Variants in NCR2 observed in about 807,000 individuals in gnomAD.
NCR2 encodes the protein natural cytotoxicity triggering receptor 2.
In NCR2, 35 loss-of-function variants were observed where a neutral mutation model predicts 30.7. The ratio of observed to expected loss-of-function variants is 1.14; its 90% CI spans 0.87 to 1.51. NCR2 has a LOEUF of 1.51. Ranked by LOEUF, NCR2 falls within the 40% of genes most tolerant of loss-of-function variation. The pLI is 0.00. For synonymous variants in NCR2, 146 were observed against 134.8 expected, an observed-to-expected ratio of 1.08 and a Z score of -0.58; for missense variants, 316 against 328.9, an observed-to-expected ratio of 0.96 and a Z score of 0.30.
At chr6:41,350,560 A>G in intron 4 of NCR2, 118 bp from the exon 5 acceptor site, 1 of 795,006 alleles carries the variant, frequency 1.3e-6, no homozygotes, top group South Asian at 1.7e-5. Flanking sequence ...CATCCTTGTG[A>G]GGTGGGTATG....
At chr6:41,350,595 A>G (rs1263784347) in intron 4 of NCR2, 83 bp from the exon 5 acceptor site, 1 of 1,215,252 alleles carries the variant, frequency 8.2e-7, no homozygotes, top group East Asian at 2.4e-5. Context: ...GAGTAGTGGG[A>G]TGGGGAAGGG....
chr6:41,336,498 T>C (rs1467627389), intron 2 of NCR2, 70 bp downstream of exon 2: 2 of 1,372,344 alleles, frequency 1.5e-6, no homozygotes, highest in East Asian at 4.6e-5. Flanking sequence ...TCACCCCTGG[T>C]TTCCCAATCG....
chr6:41,347,079 G>A (rs1172528447), intron 4 of NCR2, among the ~76,000 whole-genome samples: 1 of 152,166 alleles, frequency 6.6e-6, no homozygotes, highest in African/African-American at 2.4e-5. Context: ...GCCGAGCATG[G>A]AGGTGCGTAC....
intron 4 of NCR2, among the ~76,000 whole-genome samples, chr6:41,344,916 A>G (rs988449510): frequency 2.8e-4 from 42 of 152,278 alleles, no homozygotes; most frequent in Admixed American, 2.6e-4. Flanking sequence ...TTCTCTAGAA[A>G]GGACTCTTAG....
Position 41,350,763 on chromosome 6 carries a change from C to T in NCR2, c.730C>T (p.Leu244Phe). 6.3e-7 allele frequency: 1 copy of T among 1,595,918 alleles called. No individual in the cohort carries two copies. The highest frequency in any genetic ancestry group is 8.6e-7 in the Non-Finnish European group (1 of 1,163,432). The change falls in exon 5 of 5, where the codon CTT becomes TTT. Residue 244 changes from leucine to phenylalanine, a missense_variant. By Grantham distance (22) the Leu-to-Phe change is conservative. Coordinates refer to ENST00000373089, the MANE Select transcript of NCR2 (RefSeq NM_004828.4). ...ATCHLQQVTDLPWTSVSSPVE... is the reference protein window; with the variant it reads ...ATCHLQQVTDFPWTSVSSPVE... ...CTGCCACCTTCAACAGGTCACGGAC[C>T]TTCCCTGGACCTCAGTTTCCTCACC... is the stretch of plus-strand genomic sequence containing the variant.
intron 2 of NCR2, among the ~76,000 whole-genome samples, chr6:41,339,904 C>A (rs1462279150): frequency 6.6e-6 from 1 of 152,178 alleles, no homozygotes; most frequent in African/African-American, 2.4e-5. Context: ...CCATCTTCAT[C>A]TGGCTTACTG....
chr6:41,348,555 C>T (rs1769355835), intron 4 of NCR2, among the ~76,000 whole-genome samples: 1 of 152,222 alleles, frequency 6.6e-6, no homozygotes, highest in South Asian at 2.1e-4. Flanking sequence ...TCAACTCCTA[C>T]CTAGAAATAA....
At chr6:41,344,710 A>G (rs1395829043) in intron 4 of NCR2, among the ~76,000 whole-genome samples, 2 of 152,154 alleles carry the variant, frequency 1.3e-5, no homozygotes, top group South Asian at 2.1e-4. Context: ...CATATTTTCT[A>G]TGTCCTCCAA....
intron 2 of NCR2, among the ~76,000 whole-genome samples, chr6:41,338,750 A>G (rs1167966575): frequency 6.6e-6 from 1 of 152,260 alleles, no homozygotes; most frequent in African/African-American, 2.4e-5. Flanking sequence ...GGAGATGGTC[A>G]TCCATCTTGT....
chr6:41,346,421 C>T (rs1433148972), intron 4 of NCR2, among the ~76,000 whole-genome samples: 1 of 152,090 alleles, frequency 6.6e-6, no homozygotes, highest in African/African-American at 2.4e-5. Context: ...CACAGGGACC[C>T]ATGATCCATT....
Position 41,342,001 on chromosome 6 carries a change from C to T in NCR2, c.531-35C>T, listed in dbSNP as rs753893092. ...GCAGATGGAGACTTGCCTCCCCAGC[C>T]CGTCCTCTCCCCTTCCTGTCCCTCT... On this transcript the variant is annotated intron_variant, in intron 3 of 4. Transcript: ENST00000373089. 21 of 1,613,542 alleles carry T rather than the reference C, an allele frequency of 1.3e-5. No individual in the cohort carries two copies. The Admixed American group carries it at 3.5e-4, about 27-fold the overall frequency.
At chr6:41,338,705 C>T (rs1454450619) in intron 2 of NCR2, among the ~76,000 whole-genome samples, 1 of 152,128 alleles carries the variant, frequency 6.6e-6, no homozygotes, top group Non-Finnish European at 1.5e-5. Context: ...TTTCAAATTG[C>T]CATGAAAAAT....
rs996160231 is a variant in NCR2 at position 41,347,894 on chromosome 6, G to A, written c.645-2784G>A. On this transcript the variant is annotated intron_variant, in intron 4 of 4. Transcript: ENST00000373089. ...ACGGTGCATCCTCATGTGGTTGCTC[G>A]CACAGGCCTCAGTGCTTTGCCATGT... Among the ~76,000 whole-genome samples the A allele has an allele frequency of 3.3e-5, 5 of 152,158 alleles. No homozygotes were observed. The South Asian group carries it at 6.2e-4, about 19-fold the overall frequency.
At chr6:41,341,773 G>A (rs768654908) in intron 2 of NCR2, 21 bp from the exon 3 acceptor site, 7 of 1,599,936 alleles carry the variant, frequency 4.4e-6, no homozygotes, top group South Asian at 1.1e-5. Flanking sequence ...CACTAACCAC[G>A]CTCTTTCTCC....
rs377393541 is a variant in NCR2 at position 41,335,873 on chromosome 6, C to T, written c.-4C>T. ...CTCCCATGAGCGCACAGGAAAAGGA[C>T]CACATGGCCTGGCGAGCCCTACACC... is the stretch of plus-strand genomic sequence containing the variant. On this transcript the variant is annotated 5_prime_UTR_variant, in exon 1 of 5. Coordinates refer to ENST00000373089, the MANE Select transcript of NCR2 (RefSeq NM_004828.4). 1.3e-5 allele frequency: 21 copies of T among 1,564,616 alleles called. No individual in the cohort carries two copies. Among genetic ancestry groups the T allele is most frequent in the African/African-American group, 2.7e-5 (2 of 73,488 alleles).
At chr6:41,345,930 G>A (rs1581664892) in intron 4 of NCR2, among the ~76,000 whole-genome samples, 1 of 152,114 alleles carries the variant, frequency 6.6e-6, no homozygotes, top group Non-Finnish European at 1.5e-5. Context: ...TGCGGGGGGA[G>A]GGAGGCGGTT....
Position 41,343,037 on chromosome 6 carries a change from T to C in NCR2, c.644+888T>C, listed in dbSNP as rs140187512. The C allele has an allele frequency of 1.1e-3, 1,726 of 1,546,894 alleles. 17 individuals carry two copies. The African/African-American group carries it at 0.019, about 17-fold the overall frequency. ...CACAGGGCACCAGGTGGGCGGCCAG[T>C]CTCCAACAAGGCTGGGCTCCCAGCA... On this transcript the variant is annotated intron_variant, in intron 4 of 4. Coordinates refer to ENST00000373089, the MANE Select transcript of NCR2 (RefSeq NM_004828.4).
intron 2 of NCR2, among the ~76,000 whole-genome samples, chr6:41,336,927 A>G (rs1317264611): frequency 6.6e-6 from 1 of 152,210 alleles, no homozygotes; most frequent in Non-Finnish European, 1.5e-5. Flanking sequence ...GACATACAGG[A>G]AATTCAAATT....
chr6:41,338,839 A>G (rs1769093660), intron 2 of NCR2, among the ~76,000 whole-genome samples: 1 of 152,206 alleles, frequency 6.6e-6, no homozygotes, highest in Non-Finnish European at 1.5e-5. Flanking sequence ...TAAATTACCC[A>G]ATGTCGTAAA....
Sources: gnomAD v4.1 joint callset for allele counts (sites outside exome capture counted in the v4.1 genomes callset) on GRCh38, gnomAD v4.1.1 for gene constraint, MANE v1.5 for transcripts, NCBI Gene and HGNC (gene_info 2026-07-23, HGNC 2026-07-21) for gene names.